Variants in DTD1 observed in about 807,000 individuals in gnomAD.
DTD1 encodes D-tyrosyl-tRNA deacylase 1 homolog.
In DTD1, 13 loss-of-function variants were observed where a neutral mutation model predicts 25.6. The observed-to-expected ratio is 0.51, with a 90% confidence interval of 0.33 to 0.81. DTD1 has a LOEUF of 0.81. DTD1 is among the 30% of genes least tolerant of loss of function. The pLI, the probability that DTD1 is intolerant of heterozygous loss-of-function variation, is 0.02. For synonymous variants in DTD1, 110 were observed against 103.6 expected (o/e 1.06, Z -0.37); for missense variants, 193 against 266.4 (o/e 0.72, Z 1.92).
intron 4 of DTD1, among the ~76,000 whole-genome samples, chr20:18,696,098 T>C (rs2061075053): frequency 6.6e-6 from 1 of 152,176 alleles, no homozygotes; most frequent in South Asian, 2.1e-4. Flanking sequence ...TGACCATATT[T>C]TAATGGATGC....
Position 18,627,821 on chromosome 20 carries a change from T to A in DTD1, c.371-306T>A, listed in dbSNP as rs537859460. 2.5e-4 allele frequency among the ~76,000 whole-genome samples: 38 copies of A among 152,264 alleles called. No individual in the cohort carries two copies. In the East Asian group the frequency reaches 6.0e-3, roughly 24 times the overall value. On this transcript the variant is annotated intron_variant, in intron 3 of 5. Coordinates refer to ENST00000377452, the MANE Select transcript of DTD1 (RefSeq NM_080820.6). Reference sequence around the variant, plus strand: ...GCGGGTCTTTCCTGTGCTGTTCTCGTGATAGTGAATAAGTCTCACGAGATC... The same window carrying A: ...GCGGGTCTTTCCTGTGCTGTTCTCGAGATAGTGAATAAGTCTCACGAGATC...
chr20:18,632,035 A>G, intron 4 of DTD1: 2 of 843,772 alleles, frequency 2.4e-6, no homozygotes, highest in Non-Finnish European at 2.9e-6. Context: ...AATTCTCAGC[A>G]CACACAGAAT....
intron 4 of DTD1, among the ~76,000 whole-genome samples, chr20:18,737,325 C>G (rs2061259761): frequency 6.6e-6 from 1 of 152,164 alleles, no homozygotes; most frequent in Non-Finnish European, 1.5e-5. Context: ...GCCTTCTCAC[C>G]CCCAACCAGG....
chr20:18,602,214 A>C (rs2060638345), intron 3 of DTD1, among the ~76,000 whole-genome samples: 4 of 93,716 alleles, frequency 4.3e-5, no homozygotes, highest in African/African-American at 7.8e-5. Flanking sequence ...CGAGAAGGGA[A>C]GTTTAGAGAA....
At chr20:18,630,068 T>C (rs1012278192) in intron 4 of DTD1, among the ~76,000 whole-genome samples, 3 of 152,134 alleles carry the variant, frequency 2.0e-5, no homozygotes, top group Non-Finnish European at 2.9e-5. Context: ...ATGTCTGATG[T>C]AGTAGGCTAG....
intron 4 of DTD1, among the ~76,000 whole-genome samples, chr20:18,698,019 G>A (rs1383211843): frequency 6.6e-6 from 1 of 152,232 alleles, no homozygotes; most frequent in African/African-American, 2.4e-5. Context: ...TAGTATGCAA[G>A]TGATCATCTT....
chr20:18,636,771 C>T (rs916001128), intron 4 of DTD1, among the ~76,000 whole-genome samples: 2 of 152,042 alleles, frequency 1.3e-5, no homozygotes, highest in Non-Finnish European at 2.9e-5. Context: ...TCTGGAGGTC[C>T]CAAGAAGTGA....
At chr20:18,597,154 AGT>A (rs4052788) in intron 3 of DTD1, among the ~76,000 whole-genome samples, 32,558 of 142,656 alleles carry the variant, frequency 0.23, 3,400 homozygotes, top group African/African-American at 0.24. Flanking sequence ...GATGAGAGAA[AGT>A]GTGTGTGTGT....
chr20:18,595,753 C>G (rs182358788), intron 2 of DTD1, among the ~76,000 whole-genome samples: 5 of 152,298 alleles, frequency 3.3e-5, no homozygotes, highest in Admixed American at 3.3e-4. Context: ...CTGCTATGAA[C>G]TGGAGCGACT....
At chr20:18,618,932 C>T (rs553359140) in intron 3 of DTD1, among the ~76,000 whole-genome samples, 196 of 152,222 alleles carry the variant, frequency 1.3e-3, no homozygotes, top group African/African-American at 4.6e-3. Flanking sequence ...AGGCTCATCT[C>T]GAACTCTTGA....
intron 4 of DTD1, among the ~76,000 whole-genome samples, chr20:18,725,959 C>T (rs913900975): frequency 5.9e-5 from 9 of 152,210 alleles, no homozygotes; most frequent in African/African-American, 2.2e-4. Flanking sequence ...AGCCTCCTTG[C>T]TCTGCTCCCT....
chr20:18,754,215 C>T (rs1298026624), intron 5 of DTD1, among the ~76,000 whole-genome samples: 4 of 152,286 alleles, frequency 2.6e-5, no homozygotes, highest in South Asian at 4.1e-4. Context: ...TCAGTGTTTA[C>T]GTGGGCTGTG....
At chr20:18,589,066 A>G (rs1174300456) in intron 1 of DTD1, among the ~76,000 whole-genome samples, 1 of 152,064 alleles carries the variant, frequency 6.6e-6, no homozygotes, top group Non-Finnish European at 1.5e-5. Flanking sequence ...TAAAAACAAA[A>G]CAGGCCGGGG....
chr20:18,741,905 T>TGG (rs2061279747), intron 4 of DTD1, among the ~76,000 whole-genome samples: 2 of 74,958 alleles, frequency 2.7e-5, no homozygotes, highest in Non-Finnish European at 6.3e-5. Context: ...GTATTTTTTT[T>TGG]TTTTTTTTTT....
At chr20:18,650,146 T>C (rs1378841221) in intron 4 of DTD1, among the ~76,000 whole-genome samples, 1 of 152,214 alleles carries the variant, frequency 6.6e-6, no homozygotes, top group Non-Finnish European at 1.5e-5. Context: ...GGAGGATTGC[T>C]TGGGCCCAGG....
At chr20:18,751,841 GTT>G (rs149413679) in intron 5 of DTD1, among the ~76,000 whole-genome samples, 3 of 147,240 alleles carry the variant, frequency 2.0e-5, no homozygotes, top group East Asian at 2.0e-4. Context: ...TAGACTTGTA[GTT>G]TTTTTTTTTT....
At chr20:18,685,967 G>A (rs374627237) in intron 4 of DTD1, among the ~76,000 whole-genome samples, 16 of 152,316 alleles carry the variant, frequency 1.1e-4, no homozygotes, top group African/African-American at 3.6e-4. Flanking sequence ...TAGGCCCATC[G>A]TAAAGTGGGA....
chr20:18,719,613 A>T (rs2061194916), intron 4 of DTD1, among the ~76,000 whole-genome samples: 1 of 152,218 alleles, frequency 6.6e-6, no homozygotes, highest in African/African-American at 2.4e-5. Flanking sequence ...TCTCCAGATG[A>T]AGAGTTCCTG....
intron 4 of DTD1, among the ~76,000 whole-genome samples, chr20:18,651,897 G>T (rs2060875461): frequency 6.6e-6 from 1 of 152,152 alleles, no homozygotes; most frequent in African/African-American, 2.4e-5. Flanking sequence ...AGGTAGATCT[G>T]GGGTCTTTCA....
Sources: gnomAD v4.1 joint callset for allele counts (sites outside exome capture counted in the v4.1 genomes callset) on GRCh38, gnomAD v4.1.1 for gene constraint, MANE v1.5 for transcripts, NCBI Gene and HGNC (gene_info 2026-07-23, HGNC 2026-07-21) for gene names.